DUSP3: variants seen among roughly 807,000 people sequenced by gnomAD.
DUSP3 encodes dual specificity phosphatase 3, also known as dual specificity protein phosphatase 3.
DUSP3 carries 7 observed loss-of-function variants against 15.5 expected under a neutral mutation model. The observed-to-expected ratio is 0.45, with a 90% confidence interval of 0.26 to 0.85. DUSP3 has a LOEUF of 0.85. Ranked by LOEUF, DUSP3 falls within the 40% of genes least tolerant of loss-of-function variation. The pLI is 0.18. For synonymous variants in DUSP3, 86 were observed against 104.2 expected (o/e 0.83, Z 1.07); for missense variants, 209 against 251.7 (o/e 0.83, Z 1.15).
Position 43,774,743 on chromosome 17 carries a change from G to A in DUSP3, c.321C>T (p.Asp107=), listed in dbSNP as rs1278757361. 1.2e-6 allele frequency: 2 copies of A among 1,614,214 alleles called. No homozygotes were observed. The highest frequency in any genetic ancestry group is 2.2e-5 in the East Asian group (1 of 44,882). The change falls in exon 2 of 3, where the codon GAC becomes GAT. Residue 107 remains aspartate (D), a synonymous_variant. Transcript: ENST00000226004. The part of the protein sequence containing the change: ...NLSAYFERAA[D]FIDQALAQKN... ...TTTGAGCCAAAGCCTGGTCAATGAA[G>A]TCGGCAGCCCTTTCAAAGTAAGCGC...
chr17:43,774,111 T>TAAAA (rs556992898), intron 2 of DUSP3: 14 of 64,898 alleles, frequency 2.2e-4, no homozygotes, highest in South Asian at 4.8e-4. Context: ...AAACTCCATC[T>TAAAA]AAAAAAAAAA....
chr17:43,769,412 C>T lies in DUSP3; in HGVS notation c.*197G>A, dbSNP rs1225033925. 2.9e-5 allele frequency: 17 copies of T among 583,160 alleles called. No homozygotes were observed. Among genetic ancestry groups the T allele is most frequent in the East Asian group, 2.1e-4 (7 of 32,786 alleles). 36.1% of individuals were successfully genotyped at this position (583,160 alleles called of 1,614,324 possible). A position where few individuals can be genotyped will look rare whatever the true frequency, so the allele number is the denominator to read the frequency against. ...AAACAGGACAACTGGGGAGCAAGGACGCCCCCCTTGGCAAGCTTCTTTATG... is the reference window on the plus strand; with the variant it reads ...AAACAGGACAACTGGGGAGCAAGGATGCCCCCCTTGGCAAGCTTCTTTATG... On this transcript the variant is annotated 3_prime_UTR_variant, in exon 3 of 3. Transcript: ENST00000226004.
rs919577742 is a variant in DUSP3, at chr17:43,767,028, T to G, written c.*2581A>C. On this transcript the variant is annotated 3_prime_UTR_variant, in exon 3 of 3. Transcript: ENST00000226004. ...TAATTTTACTTGAAGAACTAAGAGC[T>G]AAATCTTGTTAAGTAAATACGGGGT... 1 of 152,592 alleles carries G rather than the reference T, an allele frequency of 6.6e-6. No individual in the cohort carries two copies. Among genetic ancestry groups the G allele is most frequent in the Admixed American group, 6.5e-5 (1 of 15,288 alleles). The allele number at this position is 152,592 out of a possible 1,614,324, so 9.5% of individuals were successfully genotyped here.
At chr17:43,778,720 CGCGACACCCCGACCCCA>C in intron 1 of DUSP3, 63 bp downstream of exon 1, 1 of 1,394,956 alleles carries the variant, frequency 7.2e-7, no homozygotes, top group Non-Finnish European at 9.4e-7. Context: ...ACCCAAGACT[CGCGACACCCCGACCCCA>C]GCCTCGGGTG....
At position 43,769,832 on chromosome 17, in the gene DUSP3, G is replaced by C; in HGVS notation, c.353-18C>G. On this transcript the variant is annotated intron_variant, in intron 2 of 2. Transcript: ENST00000226004. ...CACCCGGCCTGTAAGAAACAGGGGA[G>C]ACGTGGTGAGCTGGGGGCGTCCCAT... 6.2e-7 allele frequency: 1 copy of C among 1,613,780 alleles called. No individual in the cohort carries two copies. Among genetic ancestry groups the C allele is most frequent in the Non-Finnish European group, 8.5e-7 (1 of 1,179,886 alleles).
At position 43,774,847 on chromosome 17, in the gene DUSP3, T is replaced by G. The variant is rs766186708; in HGVS notation, c.217A>C (p.Thr73Pro). 1.2e-6 allele frequency: 2 copies of G among 1,614,180 alleles called. No individual in the cohort carries two copies. ...GAGTCCTTGTAGAAGTTGGCATTGG[T>G]GTTGACGTGCATGAAGGACCTGCCC... ...AEGRSFMHVN[T>P]NANFYKDSGI... Residue 73 changes from threonine (T) to proline (P), a missense_variant, in exon 2 of 3, where the codon ACC becomes CCC. Physicochemically the swap from Thr to Pro is conservative, Grantham distance 38. Transcript: ENST00000226004.
In DUSP3 at chr17:43,778,046, T is replaced by A. The variant is rs1415984066; in HGVS notation, c.125+754A>T. 2.0e-5 allele frequency: 3 copies of A among 153,012 alleles called. No homozygotes were observed. The East Asian group carries it at 5.8e-4, about 29-fold the overall frequency. 9.5% of individuals were successfully genotyped at this position (153,012 alleles called of 1,614,324 possible). ...GGCGGGCGCCTGTAATCCCAGCTAC[T>A]CGGGAGGCTGAGGCAGGAGAATTGC... is the stretch of plus-strand genomic sequence containing the variant. On this transcript the variant is annotated intron_variant, in intron 1 of 2. Coordinates refer to ENST00000226004, the MANE Select transcript of DUSP3 (RefSeq NM_004090.4).
rs1239458193 is a variant in DUSP3 at position 43,766,258 on chromosome 17, T to A, written c.*3351A>T. On this transcript the variant is annotated 3_prime_UTR_variant, in exon 3 of 3. Transcript: ENST00000226004. ...CTCTCCCTTTTCTGTCCAGAAAAAT[T>A]CACTCTTTCATAATCAAATTACCCT... 1 of 152,194 alleles carries A rather than the reference T, an allele frequency of 6.6e-6. No individual in the cohort carries two copies. The highest frequency in any genetic ancestry group is 6.5e-5 in the Admixed American group (1 of 15,270). 9.4% of individuals were successfully genotyped at this position (152,194 alleles called of 1,614,324 possible).
At chr17:43,770,319 G>A (rs763862304) in intron 2 of DUSP3, among the ~76,000 whole-genome samples, 1 of 152,188 alleles carries the variant, frequency 6.6e-6, no homozygotes, top group Non-Finnish European at 1.5e-5. Context: ...TGAGGTGGAT[G>A]AGCCCACAGA....
At chr17:43,772,788 G>T (rs1380032210) in intron 2 of DUSP3, among the ~76,000 whole-genome samples, 1 of 152,196 alleles carries the variant, frequency 6.6e-6, no homozygotes, top group East Asian at 1.9e-4. Flanking sequence ...TCATGGAAGA[G>T]AGGACACCAT....
At chr17:43,770,069 G>A (rs140553030) in intron 2 of DUSP3, among the ~76,000 whole-genome samples, 1 of 152,146 alleles carries the variant, frequency 6.6e-6, no homozygotes. Context: ...CGGCACGGCG[G>A]TATCTCCTCA....
At chr17:43,769,966 A>G (rs1974293120) in intron 2 of DUSP3, 152 bp from the exon 3 acceptor site, 3 of 925,388 alleles carry the variant, frequency 3.2e-6, no homozygotes, top group Admixed American at 2.7e-5. Flanking sequence ...TGGAAAACCC[A>G]AAGTGCTGGT....
At chr17:43,773,716 T>A (rs1426147284) in intron 2 of DUSP3, among the ~76,000 whole-genome samples, 1 of 152,136 alleles carries the variant, frequency 6.6e-6, no homozygotes, top group Non-Finnish European at 1.5e-5. Context: ...TAGTCCCAGC[T>A]ACTCAGGAGG....
rs1451365672 is a variant in DUSP3 at position 43,778,907 on chromosome 17, C to T, written c.18G>A (p.Glu6=). 2 of 1,477,656 alleles carry T rather than the reference C, an allele frequency of 1.4e-6. No homozygotes were observed. Among genetic ancestry groups the T allele is most frequent in the East Asian group, 6.0e-5 (2 of 33,540 alleles). The allele number at this position is 1,477,656 out of a possible 1,614,324, so 91.5% of individuals were successfully genotyped here. The change falls in exon 1 of 3, where the codon GAG becomes GAA. Residue 6 remains glutamate, a synonymous_variant. Transcript: ENST00000226004. MSGSF[E]LSVQDLNDLL... The stretch of plus-strand genomic sequence containing the variant: ...GGTCGTTGAGATCCTGCACCGAGAG[C>T]TCGAACGAGCCCGACATGGCGGCGG...
chr17:43,775,042 T>G (rs1974370075), intron 1 of DUSP3, 104 bp from the exon 2 acceptor site: 10 of 1,194,576 alleles, frequency 8.4e-6, no homozygotes, highest in Non-Finnish European at 7.4e-6. Flanking sequence ...AAGGAAACCC[T>G]CCATGCTCTG....
intron 1 of DUSP3, among the ~76,000 whole-genome samples, chr17:43,777,161 C>G (rs1361316462): frequency 6.6e-6 from 1 of 152,098 alleles, no homozygotes; most frequent in African/African-American, 2.4e-5. Context: ...TTAGTAGAGA[C>G]AGGGTTTCAC....
intron 1 of DUSP3, 125 bp from the exon 2 acceptor site, chr17:43,775,063 G>C (rs1286394729): frequency 1.4e-5 from 13 of 929,924 alleles, no homozygotes; most frequent in South Asian, 2.8e-5. Context: ...GCCCCTGCCA[G>C]CTTCTCCTGC....
In DUSP3 at chr17:43,769,373, A is replaced by G. The variant is rs534170375; in HGVS notation, c.*236T>C. On this transcript the variant is annotated 3_prime_UTR_variant, in exon 3 of 3. Transcript: ENST00000226004. Reference sequence around the variant, plus strand: ...TGAGCCCCCATCTCAGGGAAAAGACATCATAAGTTACAGAAACAGGACAAC... The same window carrying G: ...TGAGCCCCCATCTCAGGGAAAAGACGTCATAAGTTACAGAAACAGGACAAC... 99 of 519,602 alleles carry G rather than the reference A, an allele frequency of 1.9e-4. No homozygotes were observed. The highest frequency in any genetic ancestry group is 1.8e-3 in the African/African-American group (91 of 51,806). 32.2% of individuals were successfully genotyped at this position (519,602 alleles called of 1,614,324 possible).
At chr17:43,770,065 G>C (rs893219087) in intron 2 of DUSP3, among the ~76,000 whole-genome samples, 1 of 152,108 alleles carries the variant, frequency 6.6e-6, no homozygotes. Context: ...TGTGCGGCAC[G>C]GCGGTATCTC....
Sources: allele counts gnomAD v4.1 joint callset (sites outside exome capture counted in the v4.1 genomes callset), GRCh38; gene constraint gnomAD v4.1.1; transcripts MANE v1.5; gene names NCBI Gene and HGNC (gene_info 2026-07-23, HGNC 2026-07-21).